Variants in PRDM5 observed in about 807,000 individuals in gnomAD.
PRDM5 encodes PR domain zinc finger protein 5.
In PRDM5, 56 loss-of-function variants were observed where a neutral mutation model predicts 81.2. That is an observed-to-expected ratio of 0.69 (90% confidence interval 0.56 to 0.86). PRDM5 has a LOEUF of 0.86. PRDM5 is among the 40% of genes least tolerant of loss of function. PRDM5 has a pLI of 0.00. For synonymous variants in PRDM5, 267 were observed against 256.4 expected (o/e 1.04, Z -0.39); for missense variants, 697 against 770.1 (o/e 0.91, Z 1.12).
chr4:120,709,762 A>C (rs1736685330), intron 15 of PRDM5, among the ~76,000 whole-genome samples: 2 of 152,244 alleles, frequency 1.3e-5, no homozygotes, highest in Non-Finnish European at 2.9e-5. Flanking sequence ...CAACAGTAGT[A>C]TTTTTTTCCT....
chr4:120,835,576 G>T (rs533217827), intron 3 of PRDM5, among the ~76,000 whole-genome samples: 4 of 152,204 alleles, frequency 2.6e-5, no homozygotes, highest in African/African-American at 9.6e-5. Flanking sequence ...AAAAATGGGG[G>T]TTTCCCTGCA....
Position 120,900,730 on chromosome 4 carries a change from G to A in PRDM5, c.177+6744C>T, listed in dbSNP as rs941933194. On this transcript the variant is annotated intron_variant, in intron 2 of 15. Transcript: ENST00000264808. ...TTTGAAATAATAATTTGCTATAACTGTAAGAGATTCACAATCATACAAAAA... is the reference window on the plus strand; with the variant it reads ...TTTGAAATAATAATTTGCTATAACTATAAGAGATTCACAATCATACAAAAA... Among the ~76,000 whole-genome samples the A allele has an allele frequency of 4.6e-5, 7 of 152,252 alleles. No individual in the cohort carries two copies. In the East Asian group the frequency reaches 1.4e-3, roughly 29 times the overall value.
chr4:120,709,770 C>T (rs909689519), intron 15 of PRDM5, among the ~76,000 whole-genome samples: 1 of 152,082 alleles, frequency 6.6e-6, no homozygotes, highest in South Asian at 2.1e-4. Flanking sequence ...GTATTTTTTT[C>T]CTTTCAGAAA....
intron 1 of PRDM5, chr4:120,685,097 C>T (rs1733784110): frequency 6.6e-6 from 1 of 151,954 alleles, no homozygotes; most frequent in Non-Finnish European, 1.5e-5. Flanking sequence ...GATGTAATTA[C>T]ATTATTTTAA....
intron 9 of PRDM5, among the ~76,000 whole-genome samples, chr4:120,798,756 G>T (rs954325373): frequency 6.6e-6 from 1 of 152,164 alleles, no homozygotes; most frequent in African/African-American, 2.4e-5. Flanking sequence ...AATACAGAAA[G>T]TGACCTGACA....
intron 13 of PRDM5, among the ~76,000 whole-genome samples, chr4:120,763,122 C>T (rs901256156): frequency 4.6e-5 from 7 of 152,038 alleles, no homozygotes; most frequent in African/African-American, 1.7e-4. Context: ...TACAGTATCC[C>T]TCCCTCATTT....
intron 10 of PRDM5, among the ~76,000 whole-genome samples, chr4:120,797,572 G>A (rs1460873224): frequency 2.0e-5 from 3 of 152,130 alleles, no homozygotes; most frequent in East Asian, 3.9e-4. Context: ...TGAATAAAGA[G>A]ACTAGGATAA....
chr4:120,845,811 G>A (rs905801260), intron 3 of PRDM5, among the ~76,000 whole-genome samples: 2 of 152,170 alleles, frequency 1.3e-5, no homozygotes, highest in African/African-American at 4.8e-5. Flanking sequence ...CTTCTGGAAA[G>A]GATTGACATT....
At chr4:120,894,066 C>T (rs962114754) in intron 2 of PRDM5, among the ~76,000 whole-genome samples, 1 of 152,134 alleles carries the variant, frequency 6.6e-6, no homozygotes, top group Non-Finnish European at 1.5e-5. Context: ...TACCATGTTA[C>T]TATTTTCTAT....
chr4:120,777,211 C>CT lies in PRDM5; in HGVS notation c.1513dup (p.Arg505LysfsTer10), dbSNP rs1409037310. On this transcript the variant is annotated frameshift_variant, in exon 13 of 16. Coordinates refer to ENST00000264808, the MANE Select transcript of PRDM5 (RefSeq NM_018699.4). LOFTEE classifies it high-confidence loss of function. ...ACCTGTGTGGCTCCGGATATGAACT[C>CT]TGAGTGTACCACTGCTGGCAAATTT... 1.7e-5 allele frequency: 27 copies of CT among 1,613,322 alleles called. No individual in the cohort carries two copies. Among genetic ancestry groups the CT allele is most frequent in the Non-Finnish European group, 2.3e-5 (27 of 1,179,540 alleles).
intron 1 of PRDM5, among the ~76,000 whole-genome samples, chr4:120,911,855 GA>G (rs1766551333): frequency 1.3e-5 from 2 of 152,094 alleles, no homozygotes; most frequent in South Asian, 4.1e-4. Flanking sequence ...GTCAGTGAGA[GA>G]AAATGTTTTT....
At chr4:120,839,077 A>C (rs1757692556) in intron 3 of PRDM5, 2 of 581,268 alleles carry the variant, frequency 3.4e-6, no homozygotes, top group Non-Finnish European at 3.1e-6. Context: ...AGAAGCTCGG[A>C]GACACCAGGA....
chr4:120,789,980 C>T (rs1288744528), intron 10 of PRDM5, among the ~76,000 whole-genome samples: 1 of 152,138 alleles, frequency 6.6e-6, no homozygotes, highest in East Asian at 1.9e-4. Context: ...TGAGTCCCCA[C>T]AATCCTGATT....
chr4:120,820,004 A>G (rs1755051967), intron 4 of PRDM5, among the ~76,000 whole-genome samples: 2 of 152,260 alleles, frequency 1.3e-5, no homozygotes, highest in Admixed American at 1.3e-4. Flanking sequence ...TGAAACCAGT[A>G]TCACTTCTGA....
chr4:120,816,550 G>C lies in PRDM5; in HGVS notation c.768C>G (p.Cys256Trp). 1 of 1,614,038 alleles carries C rather than the reference G, an allele frequency of 6.2e-7. No homozygotes were observed. The highest frequency in any genetic ancestry group is 8.5e-7 in the Non-Finnish European group (1 of 1,180,006). ...ASSFEQHQETCRGDARFVCKA... is the reference protein window; with the variant it reads ...ASSFEQHQETWRGDARFVCKA... ...TGCACACAAACCTGGCATCCCCCCG[G>C]CAAGTCTCCTGGTGCTGCTCAAAAC... Residue 256 changes from cysteine to tryptophan, a missense_variant, in exon 7 of 16, where the codon TGC (cysteine) becomes TGG (tryptophan). By Grantham distance (215) the Cys-to-Trp change is radical. Transcript: ENST00000264808.
intron 8 of PRDM5, among the ~76,000 whole-genome samples, chr4:120,802,269 G>A (rs1752219422): frequency 6.6e-6 from 1 of 152,154 alleles, no homozygotes; most frequent in Admixed American, 6.5e-5. Flanking sequence ...TTAATAAAGA[G>A]GGCAGTTCCA....
chr4:120,893,752 C>T (rs1484976569), intron 2 of PRDM5, among the ~76,000 whole-genome samples: 1 of 152,234 alleles, frequency 6.6e-6, no homozygotes, highest in Non-Finnish European at 1.5e-5. Flanking sequence ...TTCGCATTCA[C>T]ATTCGGAACA....
intron 14 of PRDM5, among the ~76,000 whole-genome samples, chr4:120,734,329 A>G (rs976048715): frequency 6.6e-6 from 1 of 151,768 alleles, no homozygotes; most frequent in African/African-American, 2.4e-5. Context: ...CATGGGATGC[A>G]TTAGACCAGA....
At chr4:120,800,860 A>AG (rs1752030117) in intron 8 of PRDM5, among the ~76,000 whole-genome samples, 1 of 152,202 alleles carries the variant, frequency 6.6e-6, no homozygotes, top group Admixed American at 6.5e-5. Flanking sequence ...AAATACAATA[A>AG]GGGGGGATAT....
Sources: gnomAD v4.1 joint callset for allele counts (sites outside exome capture counted in the v4.1 genomes callset) on GRCh38, gnomAD v4.1.1 for gene constraint, MANE v1.5 for transcripts, NCBI Gene and HGNC (gene_info 2026-07-23, HGNC 2026-07-21) for gene names.